Variants in SKAP1 observed in about 807,000 individuals in gnomAD.
The protein encoded by SKAP1 is src kinase associated phosphoprotein 1.
In SKAP1, 44 loss-of-function variants were observed where a neutral mutation model predicts 58.5. That is an observed-to-expected ratio of 0.75 (90% CI 0.59 to 0.97). The LOEUF is 0.97. SKAP1 is among the 50% of genes least tolerant of loss of function. The pLI, the probability that SKAP1 is intolerant of heterozygous loss-of-function variation, is 0.00. For synonymous variants in SKAP1, 127 were observed against 149.7 expected (o/e 0.85, Z 1.11); for missense variants, 390 against 435.2 (o/e 0.90, Z 0.92).
intron 4 of SKAP1, among the ~76,000 whole-genome samples, chr17:48,228,187 GAA>G (rs950337567): frequency 2.6e-5 from 4 of 151,898 alleles, no homozygotes; most frequent in African/African-American, 9.7e-5. Context: ...GAGAGAGAGA[GAA>G]AGACAAAGAG....
intron 1 of SKAP1, among the ~76,000 whole-genome samples, chr17:48,409,667 CAAAAAA>C (rs35629210): frequency 1.1e-5 from 1 of 94,668 alleles, no homozygotes. Context: ...GATCCTGTCT[CAAAAAA>C]AAAAAAAAAA....
At chr17:48,185,903 C>T (rs920824367) in intron 6 of SKAP1, 1 of 152,098 alleles carries the variant, frequency 6.6e-6, no homozygotes, top group African/African-American at 2.4e-5. Context: ...TTCTAACTGG[C>T]CACTAAAATG....
At chr17:48,316,886 T>C (rs2066296025) in intron 4 of SKAP1, among the ~76,000 whole-genome samples, 1 of 152,212 alleles carries the variant, frequency 6.6e-6, no homozygotes, top group Admixed American at 6.5e-5. Context: ...TCTATCACTA[T>C]TTCTTTTATA....
At chr17:48,360,238 G>T (rs1003389207) in intron 3 of SKAP1, among the ~76,000 whole-genome samples, 1 of 151,902 alleles carries the variant, frequency 6.6e-6, no homozygotes, top group African/African-American at 2.4e-5. Context: ...GGTCTATGGT[G>T]GGAAATTCAA....
At chr17:48,158,473 CAGG>C (rs755402364) in intron 11 of SKAP1, among the ~76,000 whole-genome samples, 5 of 137,614 alleles carry the variant, frequency 3.6e-5, no homozygotes, top group South Asian at 2.3e-4. Flanking sequence ...GAGGCTGAGG[CAGG>C]AGAATGGCGT....
chr17:48,392,876 TA>T (rs200665861), intron 2 of SKAP1, among the ~76,000 whole-genome samples: 5,055 of 148,130 alleles, frequency 0.034, 117 homozygotes, highest in Admixed American at 0.084. Flanking sequence ...TATATATATA[TA>T]TTTTTTTTTT....
intron 10 of SKAP1, among the ~76,000 whole-genome samples, chr17:48,169,614 C>G (rs1216694998): frequency 6.6e-6 from 1 of 152,226 alleles, no homozygotes. Context: ...GTTGTCTCTT[C>G]TCTTCCCTGG....
chr17:48,183,154 A>G (rs2143474091), intron 7 of SKAP1, among the ~76,000 whole-genome samples: 1 of 152,308 alleles, frequency 6.6e-6, no homozygotes, highest in South Asian at 2.1e-4. Context: ...AGCTCTAGCA[A>G]AAGGAGTGGG....
At chr17:48,292,523 T>C (rs1041033728) in intron 4 of SKAP1, among the ~76,000 whole-genome samples, 1 of 152,012 alleles carries the variant, frequency 6.6e-6, no homozygotes, top group Non-Finnish European at 1.5e-5. Flanking sequence ...CAAGAAAAAA[T>C]ACTACATCAC....
intron 2 of SKAP1, among the ~76,000 whole-genome samples, chr17:48,373,729 G>A (rs910549745): frequency 1.3e-5 from 2 of 152,066 alleles, no homozygotes; most frequent in Middle Eastern, 3.2e-3. Flanking sequence ...AGAGTCTATA[G>A]ACCTCATTAG....
At chr17:48,280,276 A>G (rs928101116) in intron 4 of SKAP1, among the ~76,000 whole-genome samples, 7 of 152,194 alleles carry the variant, frequency 4.6e-5, no homozygotes, top group African/African-American at 1.7e-4. Flanking sequence ...TGAGACCAGC[A>G]TGGTACAACA....
intron 11 of SKAP1, among the ~76,000 whole-genome samples, chr17:48,142,035 T>C (rs936939731): frequency 6.6e-6 from 1 of 152,218 alleles, no homozygotes; most frequent in African/African-American, 2.4e-5. Flanking sequence ...TACACTGCCT[T>C]CTATCTGCCT....
chr17:48,405,446 TTTC>T (rs2067565912), intron 1 of SKAP1, among the ~76,000 whole-genome samples: 2 of 59,282 alleles, frequency 3.4e-5, no homozygotes, highest in East Asian at 4.0e-4. Flanking sequence ...TCTTTCTTTC[TTTC>T]TTTTCTTTCT....
chr17:48,362,947 CTG>C (rs1453701844), intron 3 of SKAP1, among the ~76,000 whole-genome samples: 2 of 151,986 alleles, frequency 1.3e-5, no homozygotes, highest in Non-Finnish European at 2.9e-5. Flanking sequence ...ATCTAAAACT[CTG>C]TGATTATCTG....
intron 4 of SKAP1, among the ~76,000 whole-genome samples, chr17:48,210,219 A>G (rs1484774425): frequency 6.6e-6 from 1 of 152,140 alleles, no homozygotes; most frequent in Non-Finnish European, 1.5e-5. Flanking sequence ...ATACGGAGCC[A>G]TTATCAGTCA....
chr17:48,135,312 G>T (rs1024070642), intron 12 of SKAP1, among the ~76,000 whole-genome samples: 1 of 152,120 alleles, frequency 6.6e-6, no homozygotes, highest in Non-Finnish European at 1.5e-5. Context: ...GCCAGAAGAT[G>T]GAGCTAGTGA....
intron 1 of SKAP1, among the ~76,000 whole-genome samples, chr17:48,414,914 A>G (rs2067713410): frequency 6.6e-6 from 1 of 152,208 alleles, no homozygotes. Flanking sequence ...TCTTCTGTTT[A>G]TTTAGAGGAG....
At chr17:48,430,338 C>T (rs1044687255), upstream of SKAP1, 1 of 258,052 alleles carries the variant, frequency 3.9e-6, no homozygotes, top group Non-Finnish European at 7.2e-6. Context: ...CGTGGGTGCA[C>T]GTGGCGCTCA....
intron 11 of SKAP1, among the ~76,000 whole-genome samples, chr17:48,142,041 T>C (rs1471298987): frequency 6.6e-6 from 1 of 152,238 alleles, no homozygotes; most frequent in Non-Finnish European, 1.5e-5. Flanking sequence ...GCCTTCTATC[T>C]GCCTGTCTTT....
Sources: gnomAD v4.1 joint callset for allele counts (sites outside exome capture counted in the v4.1 genomes callset) on GRCh38, gnomAD v4.1.1 for gene constraint, MANE v1.5 for transcripts, NCBI Gene and HGNC (gene_info 2026-07-23, HGNC 2026-07-21) for gene names.